Variants in THSD4 observed in about 807,000 individuals in gnomAD.
THSD4 encodes thrombospondin type-1 domain-containing protein 4.
THSD4 carries 69 observed loss-of-function variants against 119.0 expected under a neutral mutation model. That is an observed-to-expected ratio of 0.58 (90% CI 0.48 to 0.71). The LOEUF (loss-of-function observed/expected upper bound fraction) is 0.71, where lower values mean the gene tolerates loss of function less well. THSD4 is among the 30% of genes least tolerant of loss of function. THSD4 has a pLI of 0.00. For missense variants in THSD4, 1,393 were observed against 1,391.1 expected, an observed-to-expected ratio of 1.00 and a Z score of -0.02; for synonymous variants, 524 against 540.4, an observed-to-expected ratio of 0.97 and a Z score of 0.42.
intron 6 of THSD4, chr15:71,341,852 T>C (rs1445780107): frequency 4.7e-6 from 3 of 632,630 alleles, no homozygotes; most frequent in Non-Finnish European, 8.5e-6. Flanking sequence ...TAGGTTTTTA[T>C]TATATTTCAT....
At chr15:71,714,769 A>T (rs1359820417) in intron 8 of THSD4, among the ~76,000 whole-genome samples, 1 of 152,134 alleles carries the variant, frequency 6.6e-6, no homozygotes, top group Non-Finnish European at 1.5e-5. Flanking sequence ...TCGCTTGTGG[A>T]GGTTGCAGTG....
chr15:71,744,201 A>G (rs2053290750), intron 11 of THSD4, among the ~76,000 whole-genome samples: 1 of 147,960 alleles, frequency 6.8e-6, no homozygotes, highest in Non-Finnish European at 1.5e-5. Flanking sequence ...CATTTAACAA[A>G]TTCTGGCTTT....
intron 14 of THSD4, among the ~76,000 whole-genome samples, chr15:71,753,107 A>G (rs1266535828): frequency 1.3e-5 from 2 of 152,212 alleles, no homozygotes; most frequent in Admixed American, 1.3e-4. Context: ...AAAATTAATT[A>G]ATCTTTACCT....
intron 3 of THSD4, among the ~76,000 whole-genome samples, chr15:71,204,277 A>C (rs2043826313): frequency 6.6e-6 from 1 of 152,184 alleles, no homozygotes; most frequent in Non-Finnish European, 1.5e-5. Flanking sequence ...GTTTCCGATT[A>C]TGCAGATCAC....
intron 15 of THSD4, among the ~76,000 whole-genome samples, chr15:71,759,772 T>TAAA (rs2053600616): frequency 6.6e-6 from 1 of 152,180 alleles, no homozygotes; most frequent in Non-Finnish European, 1.5e-5. Context: ...GGGCCTTTTT[T>TAAA]GCTTGTGGCT....
intron 6 of THSD4, among the ~76,000 whole-genome samples, chr15:71,355,862 CTTATT>C (rs113004232): frequency 0.56 from 83,868 of 150,450 alleles, 23,552 homozygotes; most frequent in East Asian, 0.73. Context: ...TTAGGTTTTT[CTTATT>C]TTATTTTATT....
At chr15:71,558,006 A>AT (rs549618107) in intron 7 of THSD4, among the ~76,000 whole-genome samples, 385 of 151,622 alleles carry the variant, frequency 2.5e-3, no homozygotes, top group Non-Finnish European at 4.0e-3. Context: ...TTATGTCATC[A>AT]TTTTTTTCTT....
chr15:71,214,307 T>G (rs548605889), intron 3 of THSD4, among the ~76,000 whole-genome samples: 6 of 152,342 alleles, frequency 3.9e-5, no homozygotes, highest in Non-Finnish European at 8.8e-5. Flanking sequence ...CTGAGGTATC[T>G]TTGTATGCTG....
chr15:71,290,517 G>C (rs1302508080), intron 6 of THSD4, among the ~76,000 whole-genome samples: 1 of 151,888 alleles, frequency 6.6e-6, no homozygotes, highest in East Asian at 1.9e-4. Context: ...AAAAACTGTT[G>C]TTTACAATGA....
chr15:71,371,792 A>G (rs926347758), intron 6 of THSD4, among the ~76,000 whole-genome samples: 9 of 152,002 alleles, frequency 5.9e-5, no homozygotes, highest in South Asian at 4.2e-4. Context: ...TCTTTGTGGC[A>G]TTCTCTGTAT....
intron 6 of THSD4, among the ~76,000 whole-genome samples, chr15:71,311,225 T>C (rs952110248): frequency 6.6e-6 from 1 of 152,168 alleles, no homozygotes. Flanking sequence ...GCAAAGGACA[T>C]AGACCTGCTG....
intron 3 of THSD4, among the ~76,000 whole-genome samples, chr15:71,198,875 C>G (rs2043743301): frequency 6.6e-6 from 1 of 152,226 alleles, no homozygotes; most frequent in Non-Finnish European, 1.5e-5. Context: ...TTTAATGAAT[C>G]AGAGCGACAT....
At chr15:71,664,469 G>T (rs939650809) in intron 8 of THSD4, among the ~76,000 whole-genome samples, 13 of 151,990 alleles carry the variant, frequency 8.6e-5, no homozygotes, top group African/African-American at 3.1e-4. Flanking sequence ...ATTTATTAAT[G>T]CTGAAGCTGA....
intron 1 of THSD4, among the ~76,000 whole-genome samples, chr15:71,123,617 A>G (rs1596209755): frequency 6.6e-6 from 1 of 152,292 alleles, no homozygotes; most frequent in East Asian, 1.9e-4. Context: ...GGCAGGTGAG[A>G]GGAAAATCAC....
At chr15:71,534,517 T>G (rs2048662599) in intron 7 of THSD4, among the ~76,000 whole-genome samples, 1 of 152,236 alleles carries the variant, frequency 6.6e-6, no homozygotes, top group Non-Finnish European at 1.5e-5. Context: ...ATCATTTCAC[T>G]ATTTTTCCAA....
chr15:71,773,200 C>CAAAAAAAAAA (rs5813665), intron 17 of THSD4, among the ~76,000 whole-genome samples: 13 of 53,714 alleles, frequency 2.4e-4, no homozygotes, highest in South Asian at 6.2e-4. Context: ...GACCATGTCT[C>CAAAAAAAAAA]AAAAAAAAAA....
rs1029334300 is a variant in THSD4 at position 71,460,322 on chromosome 15, T to G, written c.1152+48499T>G. Among the ~76,000 whole-genome samples, 234 of 151,158 alleles carry G rather than the reference T, an allele frequency of 1.5e-3. 3 individuals are homozygous for G. The highest frequency in any genetic ancestry group is 4.9e-3 in the African/African-American group (203 of 41,238). On this transcript the variant is annotated intron_variant, in intron 7 of 17. Transcript: ENST00000261862. The stretch of plus-strand genomic sequence containing the variant: ...GTTGCCTGGTTTTTTTTTTTTTTTT[T>G]TTTTTGAAAGCATGCCATTGGTCCC...
At chr15:71,266,949 A>T (rs1334256287) in intron 6 of THSD4, among the ~76,000 whole-genome samples, 2 of 152,130 alleles carry the variant, frequency 1.3e-5, no homozygotes, top group African/African-American at 4.8e-5. Flanking sequence ...GCCTCCAAGA[A>T]ATATGGGACT....
intron 3 of THSD4, among the ~76,000 whole-genome samples, chr15:71,196,955 A>T (rs1253804188): frequency 6.6e-6 from 1 of 152,204 alleles, no homozygotes; most frequent in Non-Finnish European, 1.5e-5. Flanking sequence ...GGACTCCTGC[A>T]TGAAGGTGGA....
Sources: allele counts gnomAD v4.1 joint callset (sites outside exome capture counted in the v4.1 genomes callset), GRCh38; gene constraint gnomAD v4.1.1; transcripts MANE v1.5; gene names NCBI Gene and HGNC (gene_info 2026-07-23, HGNC 2026-07-21).